The following ELMO1 variants were observed in gnomAD, a reference collection of about 807,000 sequenced individuals.
ELMO1 encodes engulfment and cell motility 1.
ELMO1 carries 26 observed loss-of-function variants against 98.9 expected under a neutral mutation model. The observed-to-expected ratio is 0.26, with a 90% CI of 0.19 to 0.36. The LOEUF is 0.36. Ranked by LOEUF, ELMO1 falls within the 10% of genes least tolerant of loss-of-function variation. The pLI is 1.00. For missense variants in ELMO1, 627 were observed against 935.2 expected (o/e 0.67, Z 4.30); for synonymous variants, 346 against 346.0 (o/e 1.00, Z 0.00).
At chr7:37,125,922 A>G (rs1382909759) in intron 14 of ELMO1, among the ~76,000 whole-genome samples, 1 of 152,226 alleles carries the variant, frequency 6.6e-6, no homozygotes, top group Non-Finnish European at 1.5e-5. Context: ...GATAGATTGG[A>G]TTAAGAAAAT....
chr7:36,934,399 G>A (rs560167708), intron 16 of ELMO1, among the ~76,000 whole-genome samples: 4 of 152,308 alleles, frequency 2.6e-5, no homozygotes, highest in East Asian at 1.9e-4. Context: ...GCTGGGCTTC[G>A]CAGCATCCAC....
At position 37,244,340 on chromosome 7, in the gene ELMO1, G is replaced by A. The variant is rs774117910; in HGVS notation, c.449+16C>T. The A allele has an allele frequency of 5.0e-6, 8 of 1,611,004 alleles. No individual in the cohort carries two copies. Among genetic ancestry groups the A allele is most frequent in the East Asian group, 4.5e-5 (2 of 44,790 alleles). On this transcript the variant is annotated intron_variant, in intron 7 of 21. Transcript: ENST00000310758. ...AAGGGTTAAATCATCAATATCAATC[G>A]ATCAAATATTCTTACCAAGGCTTCA...
chr7:36,864,924 G>T (rs186180137), intron 20 of ELMO1, among the ~76,000 whole-genome samples: 12 of 152,284 alleles, frequency 7.9e-5, no homozygotes, highest in Admixed American at 1.3e-4. Flanking sequence ...AGGGAGAGTG[G>T]AGGCAGAGGA....
chr7:37,429,902 T>C (rs1804862406), intron 1 of ELMO1: 2 of 152,146 alleles, frequency 1.3e-5, no homozygotes, highest in Non-Finnish European at 2.9e-5. Context: ...TAAATAGAGA[T>C]TTTAGGAAAT....
At chr7:37,063,452 A>T (rs773098679) in intron 15 of ELMO1, among the ~76,000 whole-genome samples, 2 of 152,080 alleles carry the variant, frequency 1.3e-5, no homozygotes, top group South Asian at 4.1e-4. Flanking sequence ...AAACAAAGTT[A>T]AAAAAAATTA....
At chr7:37,000,669 C>G (rs115370764) in intron 16 of ELMO1, among the ~76,000 whole-genome samples, 270 of 152,316 alleles carry the variant, frequency 1.8e-3, no homozygotes, top group African/African-American at 6.1e-3. Flanking sequence ...GCATGCTTGG[C>G]TAAGTACCAG....
chr7:37,051,551 T>C (rs1796110324), intron 15 of ELMO1, among the ~76,000 whole-genome samples: 1 of 152,082 alleles, frequency 6.6e-6, no homozygotes, highest in African/African-American at 2.4e-5. Context: ...TCCTGAAACT[T>C]TGTTTTTATT....
chr7:37,345,383 CAG>C (rs1800945829), intron 1 of ELMO1, among the ~76,000 whole-genome samples: 1 of 151,960 alleles, frequency 6.6e-6, no homozygotes, highest in South Asian at 2.1e-4. Context: ...ACAGGAAACT[CAG>C]AGAAAGGTTC....
At chr7:37,209,200 G>C (rs1479070275) in intron 13 of ELMO1, among the ~76,000 whole-genome samples, 1 of 152,116 alleles carries the variant, frequency 6.6e-6, no homozygotes, top group African/African-American at 2.4e-5. Flanking sequence ...AACAGGGTCT[G>C]AAAATAAAAA....
intron 1 of ELMO1, among the ~76,000 whole-genome samples, chr7:37,427,764 T>C (rs1804767735): frequency 6.6e-6 from 1 of 152,256 alleles, no homozygotes; most frequent in African/African-American, 2.4e-5. Context: ...TGACAGCTCA[T>C]TTCTTCAGTG....
At chr7:36,951,022 C>A (rs1366107120) in intron 16 of ELMO1, among the ~76,000 whole-genome samples, 1 of 152,220 alleles carries the variant, frequency 6.6e-6, no homozygotes, top group East Asian at 1.9e-4. Context: ...CCTAATCAGT[C>A]CACAAGTCTT....
intron 4 of ELMO1, among the ~76,000 whole-genome samples, chr7:37,278,827 AG>A (rs1256257932): frequency 6.6e-6 from 1 of 152,188 alleles, no homozygotes; most frequent in Non-Finnish European, 1.5e-5. Context: ...CTGTCTTATC[AG>A]GGTCAATCCA....
chr7:37,355,491 A>G lies in ELMO1; in HGVS notation c.-73-12728T>C, dbSNP rs190621859. Among the ~76,000 whole-genome samples, 58 of 152,376 alleles carry G rather than the reference A, an allele frequency of 3.8e-4. 1 individual carries two copies. In the Middle Eastern group the frequency reaches 0.01, roughly 27 times the overall value. On this transcript the variant is annotated intron_variant, in intron 1 of 21. Coordinates refer to ENST00000310758, the MANE Select transcript of ELMO1 (RefSeq NM_014800.11). ...TTGGACAAAGAGCTATGGCACTAGA[A>G]AGGAAATAATAACTTTGCTTTAAGT...
At chr7:37,073,091 A>G (rs1797368858) in intron 15 of ELMO1, among the ~76,000 whole-genome samples, 1 of 152,242 alleles carries the variant, frequency 6.6e-6, no homozygotes, top group African/African-American at 2.4e-5. Context: ...TCTAAGTAAA[A>G]CATTAAAAAT....
intron 1 of ELMO1, among the ~76,000 whole-genome samples, chr7:37,382,987 C>T (rs112409964): frequency 3.9e-5 from 6 of 152,306 alleles, no homozygotes; most frequent in African/African-American, 1.4e-4. Flanking sequence ...GAGTAAGTTG[C>T]AGATGTGATG....
chr7:36,882,078 A>G (rs1186796440), intron 18 of ELMO1, among the ~76,000 whole-genome samples: 1 of 152,216 alleles, frequency 6.6e-6, no homozygotes, highest in Non-Finnish European at 1.5e-5. Flanking sequence ...CACAGGGCAC[A>G]GCAAGAACCA....
intron 16 of ELMO1, among the ~76,000 whole-genome samples, chr7:36,943,237 T>C (rs1787199650): frequency 6.6e-6 from 1 of 152,260 alleles, no homozygotes; most frequent in African/African-American, 2.4e-5. Context: ...GTACGTTCAG[T>C]ATCCCTTATC....
At chr7:37,083,406 T>C (rs1783581552) in intron 15 of ELMO1, among the ~76,000 whole-genome samples, 1 of 152,032 alleles carries the variant, frequency 6.6e-6, no homozygotes, top group Non-Finnish European at 1.5e-5. Context: ...GACTAAGTTA[T>C]ACAAGACAGA....
At chr7:37,372,478 A>G (rs1802158761) in intron 1 of ELMO1, among the ~76,000 whole-genome samples, 1 of 152,232 alleles carries the variant, frequency 6.6e-6, no homozygotes, top group African/African-American at 2.4e-5. Flanking sequence ...ATAAATGATC[A>G]TTATTATTTT....
Sources: allele counts gnomAD v4.1 joint callset (sites outside exome capture counted in the v4.1 genomes callset), GRCh38; gene constraint gnomAD v4.1.1; transcripts MANE v1.5; gene names NCBI Gene and HGNC (gene_info 2026-07-23, HGNC 2026-07-21).